Variants in CCDC68 observed in about 807,000 individuals in gnomAD.
CCDC68 encodes coiled-coil domain containing 68.
In CCDC68, 45 loss-of-function variants were observed where a neutral mutation model predicts 47.1. The observed-to-expected ratio is 0.96, with a 90% CI of 0.75 to 1.23. The LOEUF (loss-of-function observed/expected upper bound fraction) is 1.23. Ranked by LOEUF, CCDC68 falls within the 50% of genes most tolerant of loss-of-function variation. The pLI is 0.00. For missense variants in CCDC68, 353 were observed against 373.6 expected (o/e 0.94, Z 0.45); for synonymous variants, 131 against 129.5 (o/e 1.01, Z -0.08).
At chr18:54,915,157 T>A (rs368546944) in intron 10 of CCDC68, among the ~76,000 whole-genome samples, 3 of 152,190 alleles carry the variant, frequency 2.0e-5, no homozygotes, top group Non-Finnish European at 2.9e-5. Context: ...AGATGTACAA[T>A]AATTAAAGCA....
intron 10 of CCDC68, among the ~76,000 whole-genome samples, chr18:54,912,268 TA>T (rs1285395117): frequency 4.6e-5 from 7 of 152,268 alleles, no homozygotes; most frequent in Admixed American, 4.6e-4. Context: ...GTCAGAGCTG[TA>T]AATTAAGATG....
chr18:54,927,355 T>A (rs1429131324), intron 8 of CCDC68, among the ~76,000 whole-genome samples: 1 of 152,200 alleles, frequency 6.6e-6, no homozygotes, highest in East Asian at 1.9e-4. Flanking sequence ...TTATATAGAA[T>A]AGAAGAGAAA....
At chr18:54,936,793 G>T (rs1203284189) in intron 6 of CCDC68, 40 bp downstream of exon 6, 2 of 1,612,098 alleles carry the variant, frequency 1.2e-6, no homozygotes, top group African/African-American at 1.3e-5. Flanking sequence ...AGCTCAGGGT[G>T]GGGGCTAGTT....
At chr18:54,924,356 A>G (rs1599048543) in intron 8 of CCDC68, among the ~76,000 whole-genome samples, 1 of 151,854 alleles carries the variant, frequency 6.6e-6, no homozygotes, top group Non-Finnish European at 1.5e-5. Flanking sequence ...GGAACCTGGG[A>G]TCCAAGAAAT....
intron 1 of CCDC68, among the ~76,000 whole-genome samples, chr18:54,948,706 G>C (rs989438034): frequency 7.9e-5 from 12 of 152,198 alleles, no homozygotes; most frequent in African/African-American, 2.9e-4. Context: ...AGGATTTTCA[G>C]TACAAAGGGA....
intron 1 of CCDC68, among the ~76,000 whole-genome samples, chr18:54,948,482 C>T (rs948179003): frequency 1.1e-4 from 17 of 152,288 alleles, no homozygotes; most frequent in African/African-American, 4.1e-4. Context: ...GAGAGATGAT[C>T]CATTTCCCTG....
At chr18:54,937,855 G>T in intron 5 of CCDC68, 102 bp downstream of exon 5, 1 of 946,110 alleles carries the variant, frequency 1.1e-6, no homozygotes, top group Non-Finnish European at 1.6e-6. Context: ...CTATGGATGT[G>T]TGTGGACATC....
chr18:54,917,902 TCC>T lies in CCDC68; in HGVS notation c.873+9_873+10del. On this transcript the variant is annotated intron_variant, in intron 10 of 11. Transcript: ENST00000591504. ...CCTCACAACAAAATGTAAGACAGGT[TCC>T]CTCCTTACCTGGGCTTCAAGTATGT... 6.6e-7 allele frequency: 1 copy of T among 1,517,460 alleles called. No individual in the cohort carries two copies. 94.0% of individuals were successfully genotyped at this position (1,517,460 alleles called of 1,614,324 possible).
At chr18:54,955,050 G>A (rs1461598118) in intron 1 of CCDC68, among the ~76,000 whole-genome samples, 1 of 152,164 alleles carries the variant, frequency 6.6e-6, no homozygotes, top group Non-Finnish European at 1.5e-5. Flanking sequence ...GTTGGCCACA[G>A]TGGTTCACAT....
At chr18:54,926,165 T>G (rs1023770046) in intron 8 of CCDC68, among the ~76,000 whole-genome samples, 8 of 152,216 alleles carry the variant, frequency 5.3e-5, no homozygotes, top group Non-Finnish European at 1.2e-4. Context: ...TGTTTATTTT[T>G]ACAGCTCCCT....
intron 10 of CCDC68, among the ~76,000 whole-genome samples, chr18:54,917,408 CCT>C (rs2043972117): frequency 6.6e-6 from 1 of 152,120 alleles, no homozygotes; most frequent in Non-Finnish European, 1.5e-5. Flanking sequence ...TTTGAGCAAG[CCT>C]CTGATTCAAG....
At chr18:54,952,370 T>C (rs2044633431) in intron 1 of CCDC68, among the ~76,000 whole-genome samples, 1 of 152,218 alleles carries the variant, frequency 6.6e-6, no homozygotes, top group Non-Finnish European at 1.5e-5. Context: ...CCTACAGTTT[T>C]CTGAGCTTGT....
At chr18:54,908,710 G>T (rs1169139283) in intron 10 of CCDC68, among the ~76,000 whole-genome samples, 1 of 152,142 alleles carries the variant, frequency 6.6e-6, no homozygotes, top group African/African-American at 2.4e-5. Context: ...AATTGGTTAT[G>T]ATTTTCTAGT....
At chr18:54,919,237 T>A (rs757060085) in intron 9 of CCDC68, 34 bp downstream of exon 9, 2 of 1,530,850 alleles carry the variant, frequency 1.3e-6, no homozygotes, top group Non-Finnish European at 1.8e-6. Flanking sequence ...GTAAACATAC[T>A]GTCTACCAGA....
rs575995322 is a variant in CCDC68, at chr18:54,923,729, T to A, written c.684-4353A>T. Among the ~76,000 whole-genome samples the A allele has an allele frequency of 2.3e-3, 345 of 152,100 alleles. 3 individuals are homozygous for A. Among genetic ancestry groups the A allele is most frequent in the Non-Finnish European group, 3.7e-3 (249 of 67,994 alleles). On this transcript the variant is annotated intron_variant, in intron 8 of 11. Coordinates refer to ENST00000591504, the MANE Select transcript of CCDC68 (RefSeq NM_025214.3). ...TAAAGCACTCAGTCTTTTTTTTTTT[T>A]TAAACAAAGTCTCACTCTGTCACCC...
intron 8 of CCDC68, among the ~76,000 whole-genome samples, chr18:54,923,478 A>G (rs955199776): frequency 6.6e-6 from 1 of 152,118 alleles, no homozygotes; most frequent in Non-Finnish European, 1.5e-5. Context: ...CTCAAAATAG[A>G]AGAAAACTAT....
chr18:54,932,188 G>GA (rs2044275687), intron 7 of CCDC68, among the ~76,000 whole-genome samples: 1 of 141,898 alleles, frequency 7.0e-6, no homozygotes. Context: ...AACCAATTTG[G>GA]TTTTTTTTTT....
chr18:54,913,899 A>C (rs2043898370), intron 10 of CCDC68, among the ~76,000 whole-genome samples: 2 of 152,240 alleles, frequency 1.3e-5, no homozygotes, highest in Admixed American at 6.5e-5. Context: ...AGGTATTTGG[A>C]TACCTGGTCC....
chr18:54,932,275 C>T (rs1166053267), intron 7 of CCDC68, among the ~76,000 whole-genome samples: 1 of 151,524 alleles, frequency 6.6e-6, no homozygotes, highest in African/African-American at 2.4e-5. Context: ...GCCTCCACCT[C>T]CCAGGTTCAA....
Sources: gnomAD v4.1 joint callset for allele counts (sites outside exome capture counted in the v4.1 genomes callset) on GRCh38, gnomAD v4.1.1 for gene constraint, MANE v1.5 for transcripts, NCBI Gene and HGNC (gene_info 2026-07-23, HGNC 2026-07-21) for gene names.